Variants in LHX8 observed in about 807,000 individuals in gnomAD.
The protein encoded by LHX8 is LIM homeobox 8.
LHX8 carries 12 observed loss-of-function variants against 40.3 expected under a neutral mutation model. The observed-to-expected ratio is 0.30, with a 90% CI of 0.19 to 0.48. The LOEUF is 0.48. LHX8 is among the 20% of genes least tolerant of loss of function. The pLI, the probability that LHX8 is intolerant of heterozygous loss-of-function variation, is 0.99. For missense variants in LHX8, 344 were observed against 433.7 expected (o/e 0.79, Z 1.84); for synonymous variants, 179 against 162.0 (o/e 1.10, Z -0.80).
the LHX8 span, among the ~76,000 whole-genome samples, chr1:75,175,435 G>C: frequency 6.6e-6 from 1 of 152,174 alleles, no homozygotes; most frequent in African/African-American, 2.4e-5. Flanking sequence ...CCAGGTGAAA[G>C]TGTTCCCTTT....
chr1:75,168,169 A>G, the LHX8 span, among the ~76,000 whole-genome samples: 1 of 152,162 alleles, frequency 6.6e-6, no homozygotes, highest in African/African-American at 2.4e-5. Context: ...ACCTTGCTTC[A>G]TTAGCCTTCA....
the LHX8 span, among the ~76,000 whole-genome samples, chr1:75,190,067 A>G: frequency 6.6e-6 from 1 of 152,208 alleles, no homozygotes; most frequent in Non-Finnish European, 1.5e-5. Context: ...TGTAACACAA[A>G]ATGTTCAATG....
the LHX8 span, among the ~76,000 whole-genome samples, chr1:75,180,481 T>A: frequency 2.0e-5 from 3 of 152,222 alleles, no homozygotes; most frequent in Non-Finnish European, 4.4e-5. Context: ...CTTGATTGAA[T>A]CAGGTACTGA....
At chr1:75,148,462 C>A in intron 6 of LHX8, 125 bp from the exon 7 acceptor site, 2 of 723,512 alleles carry the variant, frequency 2.8e-6, no homozygotes, top group East Asian at 2.7e-5. Flanking sequence ...TTCCCCATAC[C>A]GATTTTCAAG....
rs996954876 is a variant in LHX8, at chr1:75,141,175, G to A, written c.359+69G>A. On this transcript the variant is annotated intron_variant, in intron 4 of 8. Coordinates refer to ENST00000356261, the MANE Select transcript of LHX8 (RefSeq NM_001256114.2). ...TTATGCAAAGAGACTTTTGTAATAGGCTTTTTCTTGTTCAGTTTTATTTAA... is the reference window on the plus strand; with the variant it reads ...TTATGCAAAGAGACTTTTGTAATAGACTTTTTCTTGTTCAGTTTTATTTAA... 3 of 1,528,010 alleles carry A rather than the reference G, an allele frequency of 2.0e-6. No individual in the cohort carries two copies. In the Admixed American group the frequency reaches 5.1e-5, roughly 26 times the overall value. The allele number at this position is 1,528,010 out of a possible 1,614,324, so 94.7% of individuals were successfully genotyped here. A position where few individuals can be genotyped will look rare whatever the true frequency, so the allele number is the denominator to read the frequency against.
At chr1:75,137,359 A>C (rs1648178679) in intron 3 of LHX8, 98 bp downstream of exon 3, 2 of 1,284,462 alleles carry the variant, frequency 1.6e-6, no homozygotes, top group African/African-American at 1.5e-5. Flanking sequence ...TTTCCGTTCA[A>C]GTTCTGGGTG....
chr1:75,198,251 G>A, the LHX8 span, among the ~76,000 whole-genome samples: 44 of 152,240 alleles, frequency 2.9e-4, no homozygotes, highest in Middle Eastern at 3.4e-3. Context: ...CTGGGTGCAG[G>A]GATGGTAGTG....
the LHX8 span, among the ~76,000 whole-genome samples, chr1:75,197,397 TTTTGA>T: frequency 3.9e-5 from 6 of 152,206 alleles, no homozygotes; most frequent in African/African-American, 1.4e-4. Flanking sequence ...TACTTTGCTC[TTTTGA>T]TTTGATTCGA....
chr1:75,140,234 C>A (rs1198938283), intron 3 of LHX8, among the ~76,000 whole-genome samples: 2 of 152,196 alleles, frequency 1.3e-5, no homozygotes, highest in Non-Finnish European at 2.9e-5. Context: ...TTATTAAACA[C>A]CATCTTATGT....
At chr1:75,166,650 A>T in the LHX8 span, among the ~76,000 whole-genome samples, 271 of 152,296 alleles carry the variant, frequency 1.8e-3, 1 homozygote, top group African/African-American at 5.9e-3. Flanking sequence ...GACCATATGC[A>T]ATTTTCCTAG....
chr1:75,139,345 A>G (rs530205417), intron 3 of LHX8, among the ~76,000 whole-genome samples: 1 of 152,270 alleles, frequency 6.6e-6, no homozygotes, highest in Non-Finnish European at 1.5e-5. Context: ...ATAAACAGAC[A>G]TTTTAGGAGG....
At position 75,160,825 on chromosome 1, in the gene LHX8, C is replaced by T; in HGVS notation, c.971C>T (p.Ser324Leu). The T allele has an allele frequency of 6.2e-7, 1 of 1,610,794 alleles. No homozygotes were observed. The highest frequency in any genetic ancestry group is 8.5e-7 in the Non-Finnish European group (1 of 1,177,096). Residue 324 changes from serine (S) to leucine (L), a missense_variant, in exon 9 of 9, where the codon TCA becomes TTA. Coordinates refer to ENST00000356261, the MANE Select transcript of LHX8 (RefSeq NM_001256114.2). ...TALHSYMDAHSPTTLGLQPLL... is the reference protein window; with the variant it reads ...TALHSYMDAHLPTTLGLQPLL... Reference sequence around the variant, plus strand: ...ATTTCTTTCTATTTTGTAGCTCATTCACCAACAACTCTTGGACTCCAGCCC... The same window carrying T: ...ATTTCTTTCTATTTTGTAGCTCATTTACCAACAACTCTTGGACTCCAGCCC...
the LHX8 span, among the ~76,000 whole-genome samples, chr1:75,169,030 A>AC: frequency 2.0e-5 from 3 of 150,260 alleles, no homozygotes; most frequent in Non-Finnish European, 4.4e-5. Context: ...TTCTGTTGAA[A>AC]CCCCCCCTGT....
chr1:75,195,372 G>T, the LHX8 span, among the ~76,000 whole-genome samples: 7 of 152,050 alleles, frequency 4.6e-5, no homozygotes, highest in Non-Finnish European at 1.0e-4. Flanking sequence ...AACAGCAAGG[G>T]GTCTTGCTAT....
At chr1:75,132,572 A>AT (rs1332943298), upstream of LHX8, 1 of 152,180 alleles carries the variant, frequency 6.6e-6, no homozygotes, top group Non-Finnish European at 1.5e-5. Flanking sequence ...CAAGGTTAGT[A>AT]TTTTGAAAAC....
intron 8 of LHX8, among the ~76,000 whole-genome samples, chr1:75,157,803 C>G (rs937880077): frequency 1.3e-5 from 2 of 152,160 alleles, no homozygotes; most frequent in African/African-American, 2.4e-5. Flanking sequence ...CACAATTTAT[C>G]CATTTCCTGG....
chr1:75,159,509 A>G (rs1648859687), intron 8 of LHX8: 1 of 152,116 alleles, frequency 6.6e-6, no homozygotes, highest in Admixed American at 6.6e-5. Flanking sequence ...CTGTAAAAAA[A>G]TCATCCACCG....
Position 75,161,412 on chromosome 1 carries a change from A to G in LHX8, c.*517A>G, listed in dbSNP as rs2100368066. ...AACTGAATAAAGCTTCTGTTGTAGC[A>G]TGCCATGCAAACACATTATTGTGTT... On this transcript the variant is annotated 3_prime_UTR_variant, in exon 9 of 9. Coordinates refer to ENST00000356261, the MANE Select transcript of LHX8 (RefSeq NM_001256114.2). The G allele has an allele frequency of 6.2e-6, 1 of 161,770 alleles. No homozygotes were observed. Among genetic ancestry groups the G allele is most frequent in the South Asian group, 1.8e-4 (1 of 5,516 alleles). 10.0% of individuals were successfully genotyped at this position (161,770 alleles called of 1,614,324 possible). A position where few individuals can be genotyped will look rare whatever the true frequency, so the allele number is the denominator to read the frequency against.
rs2100330635 is a variant in LHX8, at chr1:75,136,632, G to A, written c.18G>A (p.Gly6=). MSEEC[G]RTTALAAGRT... The stretch of plus-strand genomic sequence containing the variant: ...AGGGGCTCATGTCAGAGGAGTGCGG[G>A]CGGACTACAGCCCTGGCGGCCGGGA... Residue 6 remains glycine (G), a synonymous_variant, in exon 2 of 9, where the codon GGG becomes GGA. Transcript: ENST00000356261. 6.5e-7 allele frequency: 1 copy of A among 1,549,814 alleles called. No individual in the cohort carries two copies. The highest frequency in any genetic ancestry group is 8.7e-7 in the Non-Finnish European group (1 of 1,146,738).
Sources: allele counts gnomAD v4.1 joint callset (sites outside exome capture counted in the v4.1 genomes callset), GRCh38; gene constraint gnomAD v4.1.1; transcripts MANE v1.5; gene names NCBI Gene and HGNC (gene_info 2026-07-23, HGNC 2026-07-21).